Variants in GPC5 observed in about 807,000 individuals in gnomAD.
GPC5 encodes glypican-5.
A neutral mutation model predicts 53.9 loss-of-function variants in GPC5; 47 were observed. The observed-to-expected ratio is 0.87, with a 90% confidence interval of 0.69 to 1.11. The LOEUF (loss-of-function observed/expected upper bound fraction) is 1.11. Ranked by LOEUF, GPC5 falls within the 50% of genes most tolerant of loss-of-function variation. The probability of loss-of-function intolerance (pLI) is 0.00; values close to 1 mark genes in which losing one functional copy is unlikely to be tolerated. For missense variants in GPC5, 748 were observed against 713.1 expected (o/e 1.05, Z -0.56); for synonymous variants, 286 against 263.3 (o/e 1.09, Z -0.84).
At chr13:92,390,333 A>C (rs1179925738) in intron 7 of GPC5, among the ~76,000 whole-genome samples, 2 of 152,180 alleles carry the variant, frequency 1.3e-5, no homozygotes, top group Non-Finnish European at 2.9e-5. Flanking sequence ...GCCTATAAAA[A>C]AGAAAATACG....
intron 5 of GPC5, among the ~76,000 whole-genome samples, chr13:91,888,311 C>T (rs996041813): frequency 3.3e-5 from 5 of 152,148 alleles, no homozygotes; most frequent in Non-Finnish European, 5.9e-5. Context: ...GGGTTCCTCC[C>T]AGGACACGTG....
At chr13:91,571,206 T>A (rs1440553246) in intron 2 of GPC5, among the ~76,000 whole-genome samples, 1 of 152,176 alleles carries the variant, frequency 6.6e-6, no homozygotes, top group Non-Finnish European at 1.5e-5. Flanking sequence ...TAATAATTTG[T>A]ATGCAAGTAT....
chr13:91,623,454 G>C (rs1044729693), intron 2 of GPC5, among the ~76,000 whole-genome samples: 2 of 152,058 alleles, frequency 1.3e-5, no homozygotes, highest in African/African-American at 4.8e-5. Flanking sequence ...GGAGGATTCT[G>C]CGTCTAGGGG....
intron 7 of GPC5, among the ~76,000 whole-genome samples, chr13:92,768,998 A>ATAAG (rs1210445835): frequency 1.3e-5 from 2 of 152,182 alleles, no homozygotes; most frequent in African/African-American, 4.8e-5. Flanking sequence ...TATCATATAA[A>ATAAG]TAAGTACGAA....
chr13:91,724,237 A>G (rs1025468940), intron 3 of GPC5, among the ~76,000 whole-genome samples: 1 of 152,136 alleles, frequency 6.6e-6, no homozygotes, highest in Non-Finnish European at 1.5e-5. Flanking sequence ...TTTGTTTCTT[A>G]TTTTATTTAT....
At chr13:91,922,916 C>CT (rs2039730204) in intron 6 of GPC5, among the ~76,000 whole-genome samples, 1 of 152,112 alleles carries the variant, frequency 6.6e-6, no homozygotes, top group African/African-American at 2.4e-5. Flanking sequence ...ACCTCTCTAG[C>CT]TTTTTCTGGG....
At chr13:92,862,334 G>A (rs1430729852) in intron 7 of GPC5, among the ~76,000 whole-genome samples, 1 of 152,036 alleles carries the variant, frequency 6.6e-6, no homozygotes, top group African/African-American at 2.4e-5. Flanking sequence ...AGTGTTCTTT[G>A]TAATAGATAT....
At chr13:92,342,288 T>C (rs1024891874) in intron 7 of GPC5, among the ~76,000 whole-genome samples, 1 of 152,266 alleles carries the variant, frequency 6.6e-6, no homozygotes, top group East Asian at 1.9e-4. Flanking sequence ...CCCTGGAATA[T>C]TGCAGTAGCC....
intron 2 of GPC5, among the ~76,000 whole-genome samples, chr13:91,620,607 G>A (rs1334797799): frequency 6.6e-6 from 1 of 152,134 alleles, no homozygotes; most frequent in Non-Finnish European, 1.5e-5. Context: ...GATGGCTTAA[G>A]TTATGGTCTC....
intron 7 of GPC5, among the ~76,000 whole-genome samples, chr13:92,485,482 TTCA>T (rs1259649837): frequency 2.6e-5 from 4 of 152,148 alleles, no homozygotes; most frequent in African/African-American, 4.8e-5. Context: ...ACATCACAAG[TTCA>T]TCAAGAGTAG....
chr13:91,554,803 C>T (rs76154612), intron 2 of GPC5, among the ~76,000 whole-genome samples: 173 of 152,090 alleles, frequency 1.1e-3, no homozygotes, highest in African/African-American at 4.0e-3. Flanking sequence ...TTTTAAAAGG[C>T]CTTGAAAAAT....
intron 7 of GPC5, among the ~76,000 whole-genome samples, chr13:92,617,231 ACGT>A (rs1484821225): frequency 2.0e-5 from 3 of 152,134 alleles, no homozygotes; most frequent in Non-Finnish European, 4.4e-5. Flanking sequence ...GTCCGCTGTA[ACGT>A]CTTCTACCTG....
intron 1 of GPC5, among the ~76,000 whole-genome samples, chr13:91,415,681 G>C (rs9560785): frequency 0.54 from 76,999 of 142,424 alleles, 20,178 homozygotes; most frequent in East Asian, 0.73. Flanking sequence ...TAACTATATT[G>C]AACAAAAGTT....
chr13:92,317,678 T>G (rs920367981), intron 7 of GPC5, among the ~76,000 whole-genome samples: 21 of 151,880 alleles, frequency 1.4e-4, no homozygotes, highest in Non-Finnish European at 2.1e-4. Flanking sequence ...ATTTTTTTAT[T>G]TTTACTAGAG....
intron 7 of GPC5, among the ~76,000 whole-genome samples, chr13:92,168,372 A>T (rs1003006331): frequency 3.9e-5 from 6 of 152,222 alleles, no homozygotes; most frequent in Admixed American, 3.9e-4. Flanking sequence ...TCCGCACAGC[A>T]AAAGAAACTC....
intron 7 of GPC5, among the ~76,000 whole-genome samples, chr13:92,386,852 C>T (rs544611321): frequency 1.2e-4 from 18 of 152,144 alleles, no homozygotes; most frequent in Non-Finnish European, 2.4e-4. Context: ...TCTGCTATAG[C>T]CATCTAATTA....
chr13:91,524,229 G>C (rs76051298), intron 2 of GPC5, among the ~76,000 whole-genome samples: 1,564 of 152,162 alleles, frequency 0.01, 25 homozygotes, highest in African/African-American at 0.036. Flanking sequence ...GTAGAGCTGG[G>C]ATTAGAACCT....
intron 5 of GPC5, among the ~76,000 whole-genome samples, chr13:91,865,736 T>C (rs1328990125): frequency 2.6e-5 from 4 of 152,152 alleles, no homozygotes; most frequent in African/African-American, 9.7e-5. Flanking sequence ...CTCTCCTCAT[T>C]TCTCTCTTGT....
At chr13:92,807,381 G>A (rs1021097078) in intron 7 of GPC5, among the ~76,000 whole-genome samples, 3 of 152,034 alleles carry the variant, frequency 2.0e-5, no homozygotes, top group African/African-American at 7.2e-5. Flanking sequence ...TTAGTTTATG[G>A]AGAAGAATGA....
Sources: allele counts gnomAD v4.1 joint callset (sites outside exome capture counted in the v4.1 genomes callset), GRCh38; gene constraint gnomAD v4.1.1; transcripts MANE v1.5; gene names NCBI Gene and HGNC (gene_info 2026-07-23, HGNC 2026-07-21).